AUTS2: variants seen among roughly 807,000 people sequenced by gnomAD.
AUTS2 encodes the protein activator of transcription and developmental regulator AUTS2, also known as autism susceptibility gene 2 protein.
AUTS2 carries 17 observed loss-of-function variants against 112.4 expected under a neutral mutation model. The observed-to-expected ratio is 0.15, with a 90% CI of 0.10 to 0.23. The LOEUF is 0.23. AUTS2 is among the 10% of genes least tolerant of loss of function. AUTS2 has a pLI of 1.00. For missense variants in AUTS2, 1,510 were observed against 1,701.6 expected, an observed-to-expected ratio of 0.89 and a Z score of 1.98; for synonymous variants, 751 against 702.7, an observed-to-expected ratio of 1.07 and a Z score of -1.09.
chr7:70,379,919 T>C (rs911812978), intron 4 of AUTS2, among the ~76,000 whole-genome samples: 2 of 152,202 alleles, frequency 1.3e-5, no homozygotes, highest in African/African-American at 4.8e-5. Context: ...CTGTGCTGTG[T>C]TGGAATGACT....
intron 4 of AUTS2, among the ~76,000 whole-genome samples, chr7:70,149,646 T>A (rs1807320680): frequency 6.6e-6 from 1 of 152,056 alleles, no homozygotes. Flanking sequence ...TAGTCTTCTC[T>A]GTAGATTATA....
chr7:69,922,413 C>G (rs1013420920), intron 2 of AUTS2, among the ~76,000 whole-genome samples: 1 of 152,222 alleles, frequency 6.6e-6, no homozygotes, highest in African/African-American at 2.4e-5. Flanking sequence ...ATTGACTTCA[C>G]CAAAGCCTCT....
chr7:70,606,583 A>T (rs1204416523), intron 5 of AUTS2, among the ~76,000 whole-genome samples: 1 of 152,192 alleles, frequency 6.6e-6, no homozygotes, highest in Non-Finnish European at 1.5e-5. Context: ...TCTTGGGGCC[A>T]GACGTGGTGG....
chr7:70,080,159 C>T (rs1584688811), intron 2 of AUTS2, among the ~76,000 whole-genome samples: 1 of 152,174 alleles, frequency 6.6e-6, no homozygotes, highest in Non-Finnish European at 1.5e-5. Flanking sequence ...ATTGTCTACA[C>T]TTAAAAGAAT....
At chr7:70,744,348 T>C (rs1158218996) in intron 6 of AUTS2, among the ~76,000 whole-genome samples, 1 of 152,168 alleles carries the variant, frequency 6.6e-6, no homozygotes, top group Non-Finnish European at 1.5e-5. Context: ...AGGCCACCAA[T>C]GTCACGGGCA....
chr7:70,703,836 A>G (rs1809594028), intron 6 of AUTS2, among the ~76,000 whole-genome samples: 1 of 152,170 alleles, frequency 6.6e-6, no homozygotes, highest in Non-Finnish European at 1.5e-5. Context: ...GTACTATTTC[A>G]GAGCATTTTC....
At chr7:69,875,067 A>T (rs1793672426) in intron 1 of AUTS2, among the ~76,000 whole-genome samples, 1 of 151,280 alleles carries the variant, frequency 6.6e-6, no homozygotes, top group Admixed American at 6.6e-5. Context: ...CTTTCACTGA[A>T]TTCCTCTGTG....
intron 1 of AUTS2, among the ~76,000 whole-genome samples, chr7:69,797,853 T>A (rs945028068): frequency 6.6e-6 from 1 of 152,216 alleles, no homozygotes; most frequent in Non-Finnish European, 1.5e-5. Context: ...TGAATGGACC[T>A]TATTTTTTAT....
intron 5 of AUTS2, among the ~76,000 whole-genome samples, chr7:70,621,142 T>G (rs961441399): frequency 5.3e-5 from 8 of 152,204 alleles, no homozygotes; most frequent in African/African-American, 1.9e-4. Flanking sequence ...TTCTTCCCCT[T>G]CCCTGATGCT....
intron 2 of AUTS2, among the ~76,000 whole-genome samples, chr7:70,005,976 T>C (rs1285959318): frequency 6.6e-6 from 1 of 152,198 alleles, no homozygotes; most frequent in African/African-American, 2.4e-5. Context: ...TAATGTTACC[T>C]CTTTTCCGAC....
intron 4 of AUTS2, among the ~76,000 whole-genome samples, chr7:70,361,538 C>T (rs558303836): frequency 3.9e-5 from 6 of 152,242 alleles, no homozygotes; most frequent in Non-Finnish European, 8.8e-5. Context: ...ACTTTTGATG[C>T]TCCCGTCTAA....
At chr7:69,906,389 A>G (rs1176591478) in intron 2 of AUTS2, among the ~76,000 whole-genome samples, 1 of 152,182 alleles carries the variant, frequency 6.6e-6, no homozygotes, top group East Asian at 1.9e-4. Context: ...ATGAGTGGGA[A>G]GTGGGAGGAG....
intron 6 of AUTS2, among the ~76,000 whole-genome samples, chr7:70,715,631 T>C (rs568637358): frequency 6.6e-6 from 1 of 152,128 alleles, no homozygotes; most frequent in South Asian, 2.1e-4. Flanking sequence ...TCCTGGACTC[T>C]AGTGATTCTC....
intron 5 of AUTS2, among the ~76,000 whole-genome samples, chr7:70,671,177 C>A (rs1807619859): frequency 6.6e-6 from 1 of 152,176 alleles, no homozygotes; most frequent in Non-Finnish European, 1.5e-5. Flanking sequence ...GAGCGAGACT[C>A]CGTCTCAAAA....
chr7:70,299,273 C>G (rs1562861638), intron 4 of AUTS2, among the ~76,000 whole-genome samples: 1 of 152,160 alleles, frequency 6.6e-6, no homozygotes, highest in Non-Finnish European at 1.5e-5. Flanking sequence ...GGTCATCTTA[C>G]CTACAATCTC....
At position 69,872,301 on chromosome 7, in the gene AUTS2, A is replaced by G. The variant is rs531440299; in HGVS notation, c.310-26985A>G. On this transcript the variant is annotated intron_variant, in intron 1 of 18. Transcript: ENST00000342771. ...TTCCTTGTTTGAAACTCAGGCTTCAAAAGTAGGAAAGGTTAGAACATCAAT... is the reference window on the plus strand; with the variant it reads ...TTCCTTGTTTGAAACTCAGGCTTCAGAAGTAGGAAAGGTTAGAACATCAAT... Among the ~76,000 whole-genome samples, 34 of 152,322 alleles carry G rather than the reference A, an allele frequency of 2.2e-4. No individual in the cohort carries two copies. In the South Asian group the frequency reaches 3.5e-3, roughly 16 times the overall value.
intron 1 of AUTS2, among the ~76,000 whole-genome samples, chr7:69,797,678 C>T (rs943576978): frequency 6.6e-6 from 1 of 152,100 alleles, no homozygotes; most frequent in African/African-American, 2.4e-5. Context: ...CCACAATGGG[C>T]TTCCTTATTT....
intron 5 of AUTS2, among the ~76,000 whole-genome samples, chr7:70,465,443 A>C (rs1024755865): frequency 1.3e-5 from 2 of 152,194 alleles, no homozygotes; most frequent in Non-Finnish European, 2.9e-5. Flanking sequence ...AAGCTGGAGA[A>C]ATGTGAGGAC....
At chr7:70,244,006 A>G (rs1362332747) in intron 4 of AUTS2, among the ~76,000 whole-genome samples, 1 of 151,608 alleles carries the variant, frequency 6.6e-6, no homozygotes, top group African/African-American at 2.4e-5. Context: ...TATGGGAGAT[A>G]CTCCTATTCT....
Sources: allele counts gnomAD v4.1 joint callset (sites outside exome capture counted in the v4.1 genomes callset), GRCh38; gene constraint gnomAD v4.1.1; transcripts MANE v1.5; gene names NCBI Gene and HGNC (gene_info 2026-07-23, HGNC 2026-07-21).